Variants in NR3C2 observed in about 807,000 individuals in gnomAD.
The protein encoded by NR3C2 is nuclear receptor subfamily 3 group C member 2, also known as mineralocorticoid receptor.
Under a neutral mutation model 86.4 loss-of-function variants are expected in NR3C2, and 15 were observed. The ratio of observed to expected loss-of-function variants is 0.17; its 90% CI spans 0.12 to 0.27. The LOEUF (loss-of-function observed/expected upper bound fraction) is 0.27, where lower values mean the gene tolerates loss of function less well. Ranked by LOEUF, NR3C2 falls within the 10% of genes least tolerant of loss-of-function variation. NR3C2 has a pLI of 1.00. For synonymous variants in NR3C2, 458 were observed against 450.5 expected (o/e 1.02, Z -0.21); for missense variants, 960 against 1,195.6 (o/e 0.80, Z 2.91).
At chr4:148,349,477 T>C (rs1188937144) in intron 2 of NR3C2, among the ~76,000 whole-genome samples, 1 of 152,020 alleles carries the variant, frequency 6.6e-6, no homozygotes, top group Non-Finnish European at 1.5e-5. Flanking sequence ...AGAAAAGAAA[T>C]TGTACTCAGA....
intron 6 of NR3C2, among the ~76,000 whole-genome samples, chr4:148,143,783 T>TAA (rs200464846): frequency 6.6e-6 from 1 of 151,338 alleles, no homozygotes; most frequent in African/African-American, 2.4e-5. Context: ...CCATCTCTAC[T>TAA]AAAAAAATAC....
rs1020694901 is a variant in NR3C2 at position 148,397,772 on chromosome 4, C to T, written c.1757+37332G>A. Among the ~76,000 whole-genome samples the T allele has an allele frequency of 4.6e-5, 7 of 152,184 alleles. No individual in the cohort carries two copies. The South Asian group carries it at 1.4e-3, about 32-fold the overall frequency. ...GCTAGAGCTCAAAAATGGAAGCTGT[C>T]GCCTAAACTTCTTTTGGTTTTCAAT... On this transcript the variant is annotated intron_variant, in intron 2 of 8. Transcript: ENST00000358102.
At chr4:148,402,687 G>A (rs1044378574) in intron 2 of NR3C2, among the ~76,000 whole-genome samples, 1 of 152,086 alleles carries the variant, frequency 6.6e-6, no homozygotes, top group Non-Finnish European at 1.5e-5. Context: ...AATATCCCTA[G>A]TACCTATGTA....
intron 3 of NR3C2, among the ~76,000 whole-genome samples, chr4:148,232,002 G>T (rs112488882): frequency 6.6e-6 from 1 of 152,044 alleles, no homozygotes; most frequent in African/African-American, 2.4e-5. Flanking sequence ...TAGTTCTCTT[G>T]CTATTTCTAC....
intron 8 of NR3C2, among the ~76,000 whole-genome samples, chr4:148,096,971 T>C (rs960418429): frequency 2.0e-5 from 3 of 152,226 alleles, no homozygotes; most frequent in Admixed American, 1.3e-4. Context: ...TTAAAATATA[T>C]AAATCAAGTA....
intron 3 of NR3C2, among the ~76,000 whole-genome samples, chr4:148,195,881 G>C (rs1207077493): frequency 6.6e-6 from 1 of 152,208 alleles, no homozygotes; most frequent in Non-Finnish European, 1.5e-5. Flanking sequence ...ACATCACATA[G>C]GTCCTTAGAG....
chr4:148,163,398 C>G (rs530003728), intron 4 of NR3C2, among the ~76,000 whole-genome samples: 9 of 152,260 alleles, frequency 5.9e-5, no homozygotes, highest in Middle Eastern at 3.4e-3. Flanking sequence ...CTCTCTGGCT[C>G]ATACTTTTCT....
At chr4:148,349,126 A>C (rs1325045377) in intron 2 of NR3C2, among the ~76,000 whole-genome samples, 1 of 152,154 alleles carries the variant, frequency 6.6e-6, no homozygotes, top group East Asian at 1.9e-4. Flanking sequence ...TAGCAGTGGC[A>C]ACAACATCAC....
intron 3 of NR3C2, among the ~76,000 whole-genome samples, chr4:148,217,732 TAGTCTAA>T (rs1310771562): frequency 6.6e-6 from 1 of 152,234 alleles, no homozygotes; most frequent in Non-Finnish European, 1.5e-5. Flanking sequence ...CGAAAAAGAA[TAGTCTAA>T]AGTTTTCCAC....
intron 8 of NR3C2, among the ~76,000 whole-genome samples, chr4:148,104,342 G>GGTTTGGT (rs1731686588): frequency 0.12 from 7,979 of 64,054 alleles, 590 homozygotes; most frequent in African/African-American, 0.2. Flanking sequence ...TTTTGGTTTG[G>GGTTTGGT]TTTTTTTTTT....
At chr4:148,164,061 T>C (rs954298724) in intron 4 of NR3C2, among the ~76,000 whole-genome samples, 33 of 152,244 alleles carry the variant, frequency 2.2e-4, no homozygotes, top group African/African-American at 8.0e-4. Context: ...TCACCTCTGT[T>C]GACAGAGATT....
rs1331658634 is a variant in NR3C2, at chr4:148,435,692, C to G, written c.1169G>C (p.Gly390Ala). ...VESAISNGVT[G>A]QLNIVQYIKP... ...TATGTACTGGACAATATTAAGCTGG[C>G]CAGTCACACCATTTGAGATGGCACT... Residue 390 changes from glycine to alanine, a missense_variant, in exon 2 of 9, where the codon GGC (glycine) becomes GCC (alanine). Gly to Ala is a moderately conservative substitution (Grantham distance 60). Coordinates refer to ENST00000358102, the MANE Select transcript of NR3C2 (RefSeq NM_000901.5). 1.2e-6 allele frequency: 2 copies of G among 1,614,116 alleles called. No homozygotes were observed. Among genetic ancestry groups the G allele is most frequent in the Non-Finnish European group, 1.7e-6 (2 of 1,180,032 alleles).
intron 4 of NR3C2, among the ~76,000 whole-genome samples, chr4:148,191,616 C>T (rs181473807): frequency 1.8e-4 from 27 of 152,296 alleles, no homozygotes; most frequent in African/African-American, 4.8e-4. Flanking sequence ...TCAAGTACAC[C>T]GATTATTCTT....
intron 2 of NR3C2, among the ~76,000 whole-genome samples, chr4:148,415,742 A>C (rs1748961543): frequency 6.6e-6 from 1 of 152,246 alleles, no homozygotes; most frequent in Admixed American, 6.5e-5. Context: ...TCTGGAGGCA[A>C]AGATGATCTT....
At chr4:148,171,715 T>A (rs1735135364) in intron 4 of NR3C2, among the ~76,000 whole-genome samples, 1 of 152,232 alleles carries the variant, frequency 6.6e-6, no homozygotes, top group Non-Finnish European at 1.5e-5. Flanking sequence ...TGCTGCCTTA[T>A]AGGTCCTGCC....
intron 2 of NR3C2, among the ~76,000 whole-genome samples, chr4:148,381,953 A>G (rs1488892868): frequency 6.6e-6 from 1 of 152,160 alleles, no homozygotes; most frequent in Non-Finnish European, 1.5e-5. Context: ...CACCACTGTC[A>G]TTTACCTAGA....
intron 2 of NR3C2, among the ~76,000 whole-genome samples, chr4:148,297,909 C>T (rs970062812): frequency 6.6e-5 from 10 of 150,570 alleles, no homozygotes; most frequent in East Asian, 1.9e-4. Flanking sequence ...AAAAAAATCA[C>T]GTAGTATACA....
rs1017629308 is a variant in NR3C2, at chr4:148,328,185, C to T, written c.1758-68068G>A. 2.0e-5 allele frequency among the ~76,000 whole-genome samples: 3 copies of T among 152,336 alleles called. No individual in the cohort carries two copies. The East Asian group carries it at 5.8e-4, about 29-fold the overall frequency. ...GCCGTGGGAGGAATGGATCCTTCTA[C>T]TGCCCTCTTTGCCTGTAGCAGCATA... On this transcript the variant is annotated intron_variant, in intron 2 of 8. Transcript: ENST00000358102.
Position 148,372,946 on chromosome 4 carries a change from C to T in NR3C2, c.1757+62158G>A, listed in dbSNP as rs374053977. ...TGCTTGAAATTGAAAGATGTTTCAG[C>T]AGTATCTGATTTATACACACACATA... On this transcript the variant is annotated intron_variant, in intron 2 of 8. Coordinates refer to ENST00000358102, the MANE Select transcript of NR3C2 (RefSeq NM_000901.5). 5.9e-5 allele frequency among the ~76,000 whole-genome samples: 9 copies of T among 152,302 alleles called. No individual in the cohort carries two copies. In the East Asian group the frequency reaches 1.7e-3, roughly 29 times the overall value.
Sources: allele counts gnomAD v4.1 joint callset (sites outside exome capture counted in the v4.1 genomes callset), GRCh38; gene constraint gnomAD v4.1.1; transcripts MANE v1.5; gene names NCBI Gene and HGNC (gene_info 2026-07-23, HGNC 2026-07-21).